Variants in EDIL3 observed in about 807,000 individuals in gnomAD.
EDIL3 encodes the protein EGF like and discoidin domains 3, also known as EGF-like repeat and discoidin I-like domain-containing protein 3.
In EDIL3, 37 loss-of-function variants were observed where a neutral mutation model predicts 67.4. That is an observed-to-expected ratio of 0.55 (90% CI 0.42 to 0.72). The LOEUF is 0.72. EDIL3 is among the 30% of genes least tolerant of loss of function. The probability of loss-of-function intolerance (pLI) is 0.00; values close to 1 mark genes in which losing one functional copy is unlikely to be tolerated. For synonymous variants in EDIL3, 195 were observed against 196.3 expected (o/e 0.99, Z 0.05); for missense variants, 527 against 586.3 (o/e 0.90, Z 1.04).
chr5:84,121,071 A>G (rs931919946), intron 5 of EDIL3, among the ~76,000 whole-genome samples: 5 of 151,900 alleles, frequency 3.3e-5, no homozygotes, highest in African/African-American at 7.2e-5. Context: ...TATTGTCTAC[A>G]GTATACGTTA....
intron 9 of EDIL3, among the ~76,000 whole-genome samples, chr5:83,972,815 T>C (rs1480698894): frequency 6.6e-6 from 1 of 152,116 alleles, no homozygotes; most frequent in African/African-American, 2.4e-5. Flanking sequence ...GTTCTTGTAT[T>C]AAGTCATGAC....
intron 9 of EDIL3, among the ~76,000 whole-genome samples, chr5:84,009,346 C>T (rs1342014961): frequency 1.3e-5 from 2 of 152,200 alleles, no homozygotes; most frequent in East Asian, 3.9e-4. Flanking sequence ...TGCTATAGGG[C>T]CAAGAACAGA....
At chr5:84,330,222 T>C (rs1048287451) in intron 1 of EDIL3, among the ~76,000 whole-genome samples, 2 of 152,164 alleles carry the variant, frequency 1.3e-5, no homozygotes, top group African/African-American at 4.8e-5. Context: ...AAGTGGTTGC[T>C]TTCTCCTTTC....
intron 1 of EDIL3, among the ~76,000 whole-genome samples, chr5:84,303,999 A>G (rs1746216672): frequency 6.6e-6 from 1 of 152,120 alleles, no homozygotes; most frequent in Non-Finnish European, 1.5e-5. Flanking sequence ...AATCCATATA[A>G]ATTTATAATA....
chr5:84,019,157 A>T (rs1228608200), intron 9 of EDIL3, among the ~76,000 whole-genome samples: 1 of 152,214 alleles, frequency 6.6e-6, no homozygotes, highest in Non-Finnish European at 1.5e-5. Flanking sequence ...AATGTCCAAC[A>T]ATGATAGACT....
intron 1 of EDIL3, among the ~76,000 whole-genome samples, chr5:84,315,490 T>A (rs552616072): frequency 6.3e-4 from 96 of 152,254 alleles, no homozygotes; most frequent in African/African-American, 2.0e-3. Context: ...ATGCTAAAAA[T>A]TTTTTTAAAA....
intron 1 of EDIL3, among the ~76,000 whole-genome samples, chr5:84,341,098 G>A (rs1303173401): frequency 6.6e-6 from 1 of 151,876 alleles, no homozygotes; most frequent in Non-Finnish European, 1.5e-5. Context: ...TTTCCAGCTT[G>A]TATTTATTGC....
intron 5 of EDIL3, among the ~76,000 whole-genome samples, chr5:84,136,794 T>C (rs1748100346): frequency 6.6e-6 from 1 of 152,162 alleles, no homozygotes; most frequent in Non-Finnish European, 1.5e-5. Flanking sequence ...CTAAAAGTGC[T>C]GGGATTACAG....
intron 6 of EDIL3, among the ~76,000 whole-genome samples, chr5:84,073,891 T>C (rs1346618957): frequency 1.3e-5 from 2 of 151,918 alleles, no homozygotes; most frequent in Non-Finnish European, 2.9e-5. Context: ...CATTGCCAAG[T>C]CAATCCTAAG....
chr5:84,188,354 T>A (rs913143874), intron 3 of EDIL3, among the ~76,000 whole-genome samples: 3 of 151,970 alleles, frequency 2.0e-5, no homozygotes, highest in African/African-American at 7.2e-5. Flanking sequence ...CAGGAAAAAG[T>A]CCTTCCTTGC....
intron 9 of EDIL3, among the ~76,000 whole-genome samples, chr5:84,024,478 A>G (rs1745776916): frequency 6.6e-6 from 1 of 152,164 alleles, no homozygotes; most frequent in Non-Finnish European, 1.5e-5. Flanking sequence ...GCCCTGCCCC[A>G]GGTTTGTTTC....
intron 8 of EDIL3, among the ~76,000 whole-genome samples, chr5:84,063,107 G>A (rs990566337): frequency 6.6e-5 from 10 of 152,070 alleles, no homozygotes; most frequent in African/African-American, 2.4e-4. Flanking sequence ...TGTCAAACTT[G>A]GGAGTAAAAT....
intron 1 of EDIL3, among the ~76,000 whole-genome samples, chr5:84,323,751 A>C (rs1746696097): frequency 6.6e-6 from 1 of 151,948 alleles, no homozygotes; most frequent in Non-Finnish European, 1.5e-5. Context: ...TTGTAACCAA[A>C]AGAGAGCAGA....
intron 9 of EDIL3, among the ~76,000 whole-genome samples, chr5:84,035,027 C>T (rs1483473862): frequency 1.3e-5 from 2 of 151,900 alleles, no homozygotes; most frequent in African/African-American, 2.4e-5. Context: ...ACTGTAAGAC[C>T]ATACTGATGT....
intron 10 of EDIL3, among the ~76,000 whole-genome samples, chr5:83,955,661 C>T (rs982532467): frequency 1.3e-5 from 2 of 151,712 alleles, no homozygotes; most frequent in East Asian, 2.0e-4. Flanking sequence ...AAATAACAGT[C>T]ACACCAGTAG....
At chr5:84,303,284 A>C (rs1746195901) in intron 1 of EDIL3, among the ~76,000 whole-genome samples, 2 of 152,166 alleles carry the variant, frequency 1.3e-5, no homozygotes, top group South Asian at 4.1e-4. Context: ...TTCTGGCTTC[A>C]CAGTCATGAC....
At chr5:84,100,276 T>C (rs1431821907) in intron 6 of EDIL3, among the ~76,000 whole-genome samples, 1 of 152,064 alleles carries the variant, frequency 6.6e-6, no homozygotes, top group African/African-American at 2.4e-5. Flanking sequence ...CACATGCACA[T>C]GTGTGTTTAT....
chr5:84,384,295 C>T lies in EDIL3; in HGVS notation c.67+13G>A, dbSNP rs768599682. 6.2e-7 allele frequency: 1 copy of T among 1,606,648 alleles called. No individual in the cohort carries two copies. Among genetic ancestry groups the T allele is most frequent in the East Asian group, 2.3e-5 (1 of 43,992 alleles). ...CCATCCCTCACCCAGCTGTCCGGGTCCCGACGCCTTACCTTTGCCGAACTG... is the reference window on the plus strand; with the variant it reads ...CCATCCCTCACCCAGCTGTCCGGGTTCCGACGCCTTACCTTTGCCGAACTG... On this transcript the variant is annotated intron_variant, in intron 1 of 10. Coordinates refer to ENST00000296591, the MANE Select transcript of EDIL3 (RefSeq NM_005711.5).
intron 3 of EDIL3, among the ~76,000 whole-genome samples, chr5:84,209,125 AC>A (rs1744056863): frequency 6.6e-6 from 1 of 152,066 alleles, no homozygotes; most frequent in African/African-American, 2.4e-5. Context: ...TATCGCAAGG[AC>A]AAAAAACCAA....
Sources: allele counts gnomAD v4.1 joint callset (sites outside exome capture counted in the v4.1 genomes callset), GRCh38; gene constraint gnomAD v4.1.1; transcripts MANE v1.5; gene names NCBI Gene and HGNC (gene_info 2026-07-23, HGNC 2026-07-21).